ENTREP2: variants seen among roughly 807,000 people sequenced by gnomAD.
ENTREP2 encodes the protein protein ENTREP2.
At chr15:29,123,196 G>A in the ENTREP2 span, 25 of 836,296 alleles carry the variant, frequency 3.0e-5, no homozygotes, top group Non-Finnish European at 3.0e-5. Flanking sequence ...TGCCCACACC[G>A]CCCCCAGATC....
the ENTREP2 span, among the ~76,000 whole-genome samples, chr15:29,456,116 T>C: frequency 4.6e-5 from 7 of 151,018 alleles, no homozygotes; most frequent in Non-Finnish European, 1.0e-4. Context: ...TCCCTGTCCA[T>C]GGAAAAATTG....
the ENTREP2 span, among the ~76,000 whole-genome samples, chr15:29,295,663 C>T: frequency 6.6e-6 from 1 of 152,094 alleles, no homozygotes; most frequent in Non-Finnish European, 1.5e-5. Context: ...TTGTGTTTTG[C>T]CACCATTAAG....
chr15:29,666,001 A>C, the ENTREP2 span, among the ~76,000 whole-genome samples: 1 of 151,612 alleles, frequency 6.6e-6, no homozygotes. Flanking sequence ...TTGCAGGCAC[A>C]CACCACCACA....
the ENTREP2 span, among the ~76,000 whole-genome samples, chr15:29,421,066 A>G: frequency 6.6e-6 from 1 of 152,238 alleles, no homozygotes; most frequent in Admixed American, 6.5e-5. Flanking sequence ...AGCTGTGTAC[A>G]GGCCTAGAAA....
the ENTREP2 span, among the ~76,000 whole-genome samples, chr15:29,147,875 A>G: frequency 6.6e-6 from 1 of 152,238 alleles, no homozygotes; most frequent in Non-Finnish European, 1.5e-5. Context: ...AATAACAGCC[A>G]AGAAGGCAAA....
At chr15:29,296,021 G>A in the ENTREP2 span, among the ~76,000 whole-genome samples, 1 of 152,160 alleles carries the variant, frequency 6.6e-6, no homozygotes, top group Non-Finnish European at 1.5e-5. Context: ...GGCCTCAAGG[G>A]AACAAGACTG....
the ENTREP2 span, among the ~76,000 whole-genome samples, chr15:29,219,189 T>A: frequency 1.3e-5 from 2 of 151,024 alleles, no homozygotes. Context: ...GATATACAAA[T>A]GGCCAAGAAA....
At chr15:29,573,609 CTCT>C in the ENTREP2 span, among the ~76,000 whole-genome samples, 24,736 of 151,746 alleles carry the variant, frequency 0.16, 2,890 homozygotes, top group East Asian at 0.49. Flanking sequence ...TCTATTCTCT[CTCT>C]TCTTTCTCTC....
chr15:29,517,174 G>A, the ENTREP2 span, among the ~76,000 whole-genome samples: 15 of 152,134 alleles, frequency 9.9e-5, no homozygotes, highest in African/African-American at 3.6e-4. Context: ...GAGAGCAAAT[G>A]CTATCAACCT....
the ENTREP2 span, among the ~76,000 whole-genome samples, chr15:29,413,326 A>T: frequency 2.6e-5 from 4 of 152,216 alleles, no homozygotes; most frequent in African/African-American, 9.6e-5. Context: ...TGATAGATCA[A>T]CAATCAATAT....
chr15:29,586,581 T>C, the ENTREP2 span, among the ~76,000 whole-genome samples: 1 of 152,000 alleles, frequency 6.6e-6, no homozygotes, highest in Non-Finnish European at 1.5e-5. Context: ...GAGGCCAAGG[T>C]GGGCGGATCC....
chr15:29,216,709 T>C, the ENTREP2 span, among the ~76,000 whole-genome samples: 10,168 of 152,250 alleles, frequency 0.067, 1,174 homozygotes, highest in African/African-American at 0.23. Context: ...CTTCTTCCTA[T>C]TGACTCATTA....
At chr15:29,253,265 T>C in the ENTREP2 span, among the ~76,000 whole-genome samples, 102 of 152,306 alleles carry the variant, frequency 6.7e-4, no homozygotes, top group Admixed American at 6.2e-3. Flanking sequence ...ATCCACTTTT[T>C]CCTCTGTGAA....
chr15:29,475,993 C>G, the ENTREP2 span, among the ~76,000 whole-genome samples: 1 of 152,194 alleles, frequency 6.6e-6, no homozygotes, highest in Non-Finnish European at 1.5e-5. Flanking sequence ...AAGATGATTG[C>G]ATTTGGGGAA....
At chr15:29,197,620 G>T in the ENTREP2 span, among the ~76,000 whole-genome samples, 79 of 152,072 alleles carry the variant, frequency 5.2e-4, no homozygotes, top group Non-Finnish European at 9.0e-4. Flanking sequence ...ACAAAAATTA[G>T]CTCGGCGTGG....
chr15:29,257,253 A>G, the ENTREP2 span, among the ~76,000 whole-genome samples: 1 of 152,006 alleles, frequency 6.6e-6, no homozygotes, highest in South Asian at 2.1e-4. Flanking sequence ...TTGTATTTTT[A>G]GTAGAGACGG....
chr15:29,472,891 G>T, the ENTREP2 span, among the ~76,000 whole-genome samples: 3 of 152,138 alleles, frequency 2.0e-5, no homozygotes, highest in Non-Finnish European at 4.4e-5. Flanking sequence ...ACTTACATTT[G>T]ACTACTAGAA....
chr15:29,674,137 G>GC, the ENTREP2 span, among the ~76,000 whole-genome samples: 5 of 148,930 alleles, frequency 3.4e-5, no homozygotes, highest in African/African-American at 1.3e-4. Flanking sequence ...ATGGGGGGGG[G>GC]GGGGGGCTTT....
At chr15:29,525,345 C>T in the ENTREP2 span, among the ~76,000 whole-genome samples, 15 of 152,248 alleles carry the variant, frequency 9.9e-5, no homozygotes, top group South Asian at 2.7e-3. Context: ...GTCCATCATG[C>T]GATGCATGGA....
Sources: allele counts gnomAD v4.1 joint callset (sites outside exome capture counted in the v4.1 genomes callset), GRCh38; gene constraint gnomAD v4.1.1; transcripts MANE v1.5; gene names NCBI Gene and HGNC (gene_info 2026-07-23, HGNC 2026-07-21).